VGF: variants seen among roughly 807,000 people sequenced by gnomAD.
VGF encodes neurosecretory protein VGF.
A neutral mutation model predicts 41.1 loss-of-function variants in VGF; 13 were observed. The ratio of observed to expected loss-of-function variants is 0.32; its 90% CI spans 0.21 to 0.50. The LOEUF (loss-of-function observed/expected upper bound fraction) is 0.50. Among genes scored for constraint, VGF ranks in the 20% least tolerant of loss-of-function variants. VGF has a pLI of 0.98. For missense variants in VGF, 920 were observed against 882.1 expected (o/e 1.04, Z -0.54); for synonymous variants, 473 against 418.3 (o/e 1.13, Z -1.60).
Position 101,164,249 on chromosome 7 carries a change from T to C in VGF, c.595A>G (p.Ser199Gly). ...THTLTRVNLE[S>G]PGPERVWRAS... Reference sequence around the variant, plus strand: ...CGCCATACGCGCTCTGGCCCCGGGCTCTCCAGATTCACTCGGGTCAGCGTG... The same window carrying C: ...CGCCATACGCGCTCTGGCCCCGGGCCCTCCAGATTCACTCGGGTCAGCGTG... Residue 199 changes from serine (S) to glycine (G), a missense_variant, in exon 2 of 2, where the codon AGC becomes GGC. This residue lies in a region of VGF where 654 missense variants were observed against 638.4 expected (regional missense o/e 1.02). Coordinates refer to ENST00000249330, the MANE Select transcript of VGF (RefSeq NM_003378.4). 4 of 1,591,312 alleles carry C rather than the reference T, an allele frequency of 2.5e-6. No homozygotes were observed. The highest frequency in any genetic ancestry group is 3.4e-6 in the Non-Finnish European group (4 of 1,171,692).
intron 1 of VGF, chr7:101,165,102 C>T: frequency 8.2e-7 from 1 of 1,215,264 alleles, no homozygotes; most frequent in South Asian, 3.6e-5. Flanking sequence ...TCGGCCCCTT[C>T]CCTGAGCCAT....
chr7:101,163,587 G>T lies in VGF; in HGVS notation c.1257C>A (p.Arg419=), dbSNP rs367911331. 2 of 1,570,464 alleles carry T rather than the reference G, an allele frequency of 1.3e-6. No homozygotes were observed. The highest frequency in any genetic ancestry group is 1.7e-6 in the Non-Finnish European group (2 of 1,158,700). Residue 419 remains arginine, a synonymous_variant, in exon 2 of 2, where the codon CGC becomes CGA. Transcript: ENST00000249330. This position sits in a 1 kb window ranked among gnomAD's most constrained non-coding sequence, Gnocchi z 5.0. ...EDGEAGAEDK[R]SQEETPGHRR... is the part of the protein sequence containing the mutation. Reference sequence around the variant, plus strand: ...GGTGGCCCGGCGTCTCCTCCTGGGAGCGCTTGTCCTCGGCGCCGGCTTCCC... The same window carrying T: ...GGTGGCCCGGCGTCTCCTCCTGGGATCGCTTGTCCTCGGCGCCGGCTTCCC...
chr7:101,163,196 T>C lies in VGF; in HGVS notation c.1648A>G (p.Ile550Val). 6.5e-7 allele frequency: 1 copy of C among 1,541,054 alleles called. No individual in the cohort carries two copies. The highest frequency in any genetic ancestry group is 8.7e-7 in the Non-Finnish European group (1 of 1,151,442). Residue 550 changes from isoleucine (I) to valine (V), a missense_variant, in exon 2 of 2, where the codon ATC becomes GTC. Physicochemically the swap from Ile to Val is conservative, Grantham distance 29 (BLOSUM62 3). This residue lies in a region of VGF where 257 missense variants were observed against 217.2 expected (regional missense o/e 1.18). Coordinates refer to ENST00000249330, the MANE Select transcript of VGF (RefSeq NM_003378.4). This position sits in a 1 kb window ranked among gnomAD's most constrained non-coding sequence, Gnocchi z 5.0. ...PGPYHPFPNY[I>V]RPRTLQPPSA... is the part of the protein sequence containing the mutation. ...GGCGGCTGCAGTGTCCGCGGCCGGA[T>C]GTAGTTGGGGAAAGGGTGGTACGGC...
At chr7:101,165,638 C>T (rs1452706110), upstream of VGF, 7 of 985,288 alleles carry the variant, frequency 7.1e-6, no homozygotes, top group African/African-American at 1.7e-5. Context: ...CGCCCCGCCC[C>T]ATTGACGTCA....
At position 101,162,951 on chromosome 7, in the gene VGF, CGCGCGCGCG is replaced by C. The variant is rs1797132564; in HGVS notation, c.*36_*44del. On this transcript the variant is annotated 3_prime_UTR_variant, in exon 2 of 2. Transcript: ENST00000249330. The surrounding 1 kb of genome is among the most constrained non-coding windows in gnomAD (Gnocchi z 4.2). Reference sequence around the variant, plus strand: ...GGCAACACGGAGGGGGGCGCCGGCGCGCGCGCGCGGCGGGGGCGCGCGGGGGCGGGACCG... The same window carrying C: ...GGCAACACGGAGGGGGGCGCCGGCGCGCGGGGGCGCGCGGGGGCGGGACCG... 6.9e-6 allele frequency: 7 copies of C among 1,010,790 alleles called. No homozygotes were observed. Among genetic ancestry groups the C allele is most frequent in the Non-Finnish European group, 7.8e-6 (6 of 769,458 alleles). The allele number at this position is 1,010,790 out of a possible 1,614,324, so 62.6% of individuals were successfully genotyped here.
chr7:101,163,969 G>A lies in VGF; in HGVS notation c.875C>T (p.Ala292Val). Residue 292 changes from alanine (A) to valine (V), a missense_variant, in exon 2 of 2, where the codon GCG becomes GTG. Coordinates refer to ENST00000249330, the MANE Select transcript of VGF (RefSeq NM_003378.4). The surrounding 1 kb of genome is among the most constrained non-coding windows in gnomAD (Gnocchi z 5.0). ...CCCTTGCTGGAGAAGGCGCTCGCCC[G>A]CCTCGGAGCCGCCCAGGAGTGCGCT... ...PESALLGGSEAGERLLQQGLA... is the reference protein window; with the variant it reads ...PESALLGGSEVGERLLQQGLA... The A allele has an allele frequency of 4.1e-6, 6 of 1,461,316 alleles. No individual in the cohort carries two copies. Among genetic ancestry groups the A allele is most frequent in the Non-Finnish European group, 5.3e-6 (6 of 1,121,886 alleles). The allele number at this position is 1,461,316 out of a possible 1,614,324, so 90.5% of individuals were successfully genotyped here. A position where few individuals can be genotyped will look rare whatever the true frequency, so the allele number is the denominator to read the frequency against.
chr7:101,163,538 C>T lies in VGF; in HGVS notation c.1306G>A (p.Glu436Lys). 1.2e-6 allele frequency: 2 copies of T among 1,605,098 alleles called. No homozygotes were observed. The highest frequency in any genetic ancestry group is 1.7e-6 in the Non-Finnish European group (2 of 1,175,988). ...TCGTCCTCCTCCTCCCCGCCCTCCT[C>T]TGTCCCCTCGGCCTCCTTCCGCCGG... ...GHRRKEAEGT[E>K]EGGEEEDDEE... is the part of the protein sequence containing the mutation. Residue 436 changes from glutamate to lysine, a missense_variant, in exon 2 of 2, where the codon GAG (glutamate) becomes AAG (lysine). Around this residue, in one of 3 missense-constraint regions of VGF, gnomAD observed 654 missense variants for 638.4 expected, o/e 1.02. Transcript: ENST00000249330. This position sits in a 1 kb window ranked among gnomAD's most constrained non-coding sequence, Gnocchi z 5.0.
upstream of VGF, among the ~76,000 whole-genome samples, chr7:101,166,515 T>TGGG (rs61657049): frequency 0.02 from 2,665 of 132,080 alleles, 42 homozygotes; most frequent in African/African-American, 0.027. Context: ...GTTGCGCAGG[T>TGGG]GGGGGGGGGG....
chr7:101,164,549 G>A lies in VGF; in HGVS notation c.295C>T (p.Pro99Ser), dbSNP rs982598932. ...TCCGGCCCCTGCTGGGAGCCGCTTG[G>A]TGCCGGGGGTGAGGCGGGACGGTCG... Reference protein sequence around the residue: ...ALDRPASPPAPSGSQQGPEEE... With the variant: ...ALDRPASPPASSGSQQGPEEE... The change falls in exon 2 of 2, where the codon CCA becomes TCA. Residue 99 changes from proline to serine, a missense_variant. Physicochemically the swap from Pro to Ser is moderately conservative, Grantham distance 74. Transcript: ENST00000249330. 2 of 1,599,488 alleles carry A rather than the reference G, an allele frequency of 1.3e-6. No homozygotes were observed. Among genetic ancestry groups the A allele is most frequent in the African/African-American group, 1.3e-5 (1 of 74,834 alleles).
chr7:101,165,694 C>A, upstream of VGF: 1 of 981,158 alleles, frequency 1.0e-6, no homozygotes, highest in Non-Finnish European at 1.2e-6. Context: ...GGAGGAAGGA[C>A]GCCCGACGAT....
Position 101,163,231 on chromosome 7 carries a change from T to C in VGF, c.1613A>G (p.Tyr538Cys). 6.5e-7 allele frequency: 1 copy of C among 1,531,616 alleles called. No individual in the cohort carries two copies. Among genetic ancestry groups the C allele is most frequent in the Non-Finnish European group, 8.7e-7 (1 of 1,144,116 alleles). 94.9% of individuals were successfully genotyped at this position (1,531,616 alleles called of 1,614,324 possible). A position where few individuals can be genotyped will look rare whatever the true frequency, so the allele number is the denominator to read the frequency against. The change falls in exon 2 of 2, where the codon TAC (tyrosine) becomes TGC (cysteine). Residue 538 changes from tyrosine (Y) to cysteine (C), a missense_variant. Physicochemically the swap from Tyr to Cys is radical, Grantham distance 194. Transcript: ENST00000249330. This position sits in a 1 kb window ranked among gnomAD's most constrained non-coding sequence, Gnocchi z 5.0. ...PPWDREEDEV[Y>C]PPGPYHPFPN... ...GAAAGGGTGGTACGGCCCTGGCGGG[T>C]ACACCTCGTCCTCCTCCCGATCCCA...
chr7:101,168,783 G>A (rs1015706063), upstream of VGF, among the ~76,000 whole-genome samples: 1 of 152,166 alleles, frequency 6.6e-6, no homozygotes, highest in Admixed American at 6.5e-5. Context: ...AGGTCTGGGA[G>A]AGAAAGAGAG....
chr7:101,164,660 C>T lies in VGF; in HGVS notation c.184G>A (p.Ala62Thr), dbSNP rs1456409430. 7 of 1,592,400 alleles carry T rather than the reference C, an allele frequency of 4.4e-6. No individual in the cohort carries two copies. The highest frequency in any genetic ancestry group is 3.3e-4 in the Middle Eastern group (2 of 6,006). Reference protein sequence around the residue: ...KDGSAPEVRGARNSEPQDEGE... With the variant: ...KDGSAPEVRGTRNSEPQDEGE... ...TCGTCCTGCGGCTCGGAATTCCGAG[C>T]GCCTCGGACCTCTGGGGCGCTGCCA... The change falls in exon 2 of 2, where the codon GCT becomes ACT. Residue 62 changes from alanine to threonine, a missense_variant. By Grantham distance (58) the Ala-to-Thr change is moderately conservative. Coordinates refer to ENST00000249330, the MANE Select transcript of VGF (RefSeq NM_003378.4).
At chr7:101,168,857 G>T (rs1172268896), upstream of VGF, among the ~76,000 whole-genome samples, 1 of 152,114 alleles carries the variant, frequency 6.6e-6, no homozygotes, top group Non-Finnish European at 1.5e-5. Context: ...CCCCCAACCG[G>T]TGACTCACCT....
Position 101,163,970 on chromosome 7 carries a change from C to T in VGF, c.874G>A (p.Ala292Thr). 6.8e-7 allele frequency: 1 copy of T among 1,464,482 alleles called. No individual in the cohort carries two copies. The highest frequency in any genetic ancestry group is 8.9e-7 in the Non-Finnish European group (1 of 1,123,614). 90.7% of individuals were successfully genotyped at this position (1,464,482 alleles called of 1,614,324 possible). Residue 292 changes from alanine (A) to threonine (T), a missense_variant, in exon 2 of 2, where the codon GCG becomes ACG. Ala to Thr is a moderately conservative substitution (Grantham distance 58). Transcript: ENST00000249330. The surrounding 1 kb of genome is among the most constrained non-coding windows in gnomAD (Gnocchi z 5.0). ...CCTTGCTGGAGAAGGCGCTCGCCCG[C>T]CTCGGAGCCGCCCAGGAGTGCGCTC... ...PESALLGGSE[A>T]GERLLQQGLA...
upstream of VGF, among the ~76,000 whole-genome samples, chr7:101,168,008 T>G: frequency 9.0e-6 from 1 of 110,902 alleles, no homozygotes; most frequent in African/African-American, 3.6e-5. Flanking sequence ...TGTGCTGGGT[T>G]GTTTTTTTTT....
Position 101,163,561 on chromosome 7 carries a change from C to G in VGF, c.1283G>C (p.Arg428Pro), listed in dbSNP as rs751294624. ...CTCTGTCCCCTCGGCCTCCTTCCGC[C>G]GGTGGCCCGGCGTCTCCTCCTGGGA... Reference protein sequence around the residue: ...KRSQEETPGHRRKEAEGTEEG... With the variant: ...KRSQEETPGHPRKEAEGTEEG... The change falls in exon 2 of 2, where the codon CGG becomes CCG. Residue 428 changes from arginine to proline, a missense_variant. Physicochemically the swap from Arg to Pro is moderately radical, Grantham distance 103. This residue lies in a region of VGF where 654 missense variants were observed against 638.4 expected (regional missense o/e 1.02). Coordinates refer to ENST00000249330, the MANE Select transcript of VGF (RefSeq NM_003378.4). This position sits in a 1 kb window ranked among gnomAD's most constrained non-coding sequence, Gnocchi z 5.0. 83 of 1,589,330 alleles carry G rather than the reference C, an allele frequency of 5.2e-5. No individual in the cohort carries two copies. The highest frequency in any genetic ancestry group is 6.9e-5 in the Non-Finnish European group (80 of 1,167,870).
chr7:101,169,493 A>G (rs544043711), upstream of VGF, among the ~76,000 whole-genome samples: 72 of 152,196 alleles, frequency 4.7e-4, no homozygotes, highest in Non-Finnish European at 8.8e-4. Context: ...CACAAACACA[A>G]TGTCACACCT....
Position 101,163,511 on chromosome 7 carries a change from C to T in VGF, c.1333G>A (p.Glu445Lys). 6.2e-7 allele frequency: 1 copy of T among 1,611,716 alleles called. No homozygotes were observed. Among genetic ancestry groups the T allele is most frequent in the Non-Finnish European group, 8.5e-7 (1 of 1,179,302 alleles). Residue 445 changes from glutamate (E) to lysine (K), a missense_variant, in exon 2 of 2, where the codon GAG (glutamate) becomes AAG (lysine). This residue lies in a region of VGF where 654 missense variants were observed against 638.4 expected (regional missense o/e 1.02). Coordinates refer to ENST00000249330, the MANE Select transcript of VGF (RefSeq NM_003378.4). The surrounding 1 kb of genome is among the most constrained non-coding windows in gnomAD (Gnocchi z 5.0). ...TEEGGEEEDDEEMDPQTIDSL... is the reference protein window; with the variant it reads ...TEEGGEEEDDKEMDPQTIDSL... ...TCGATCGTCTGCGGATCCATCTCCT[C>T]GTCGTCCTCCTCCTCCCCGCCCTCC...
Sources: allele counts gnomAD v4.1 joint callset (sites outside exome capture counted in the v4.1 genomes callset), GRCh38; gene constraint gnomAD v4.1.1; regional missense constraint gnomAD v4.1.1; non-coding constraint Gnocchi (gnomAD v3.1); transcripts MANE v1.5; gene names NCBI Gene and HGNC (gene_info 2026-07-23, HGNC 2026-07-21).